ESR1: variants seen among roughly 807,000 people sequenced by gnomAD.
The protein encoded by ESR1 is estrogen receptor 1, also known as estrogen receptor.
ESR1 carries 12 observed loss-of-function variants against 52.7 expected under a neutral mutation model. That is an observed-to-expected ratio of 0.23 (90% confidence interval 0.15 to 0.37). ESR1 has a LOEUF of 0.37. ESR1 is among the 10% of genes least tolerant of loss of function. ESR1 has a pLI of 1.00. For synonymous variants in ESR1, 305 were observed against 316.8 expected (o/e 0.96, Z 0.39); for missense variants, 584 against 779.7 (o/e 0.75, Z 2.99).
At chr6:151,756,652 T>C (rs886678361) in intron 2 of ESR1, among the ~76,000 whole-genome samples, 5 of 152,252 alleles carry the variant, frequency 3.3e-5, no homozygotes, top group African/African-American at 9.6e-5. Flanking sequence ...CTGTCAATTA[T>C]AGTTTTTGAA....
At chr6:151,923,149 G>C (rs1162250675) in intron 3 of ESR1, among the ~76,000 whole-genome samples, 2 of 152,182 alleles carry the variant, frequency 1.3e-5, no homozygotes, top group East Asian at 3.8e-4. Context: ...TATTCTAACA[G>C]ATTCCACTTA....
rs117028281 is a variant in ESR1, at chr6:151,876,750, G to A, written c.644-3905G>A. 6.7e-3 allele frequency among the ~76,000 whole-genome samples: 1,022 copies of A among 152,194 alleles called. 43 individuals are homozygous for A. The East Asian group carries it at 0.093, about 14-fold the overall frequency. On this transcript the variant is annotated intron_variant, in intron 2 of 7. Transcript: ENST00000206249. ...TCTGGTTCCATCTCATTCACCTCCT[G>A]TCCCCTCCACTTCCTGCCAGTCAAA...
chr6:151,698,907 A>T (rs1199627970), intron 1 of ESR1, among the ~76,000 whole-genome samples: 1 of 152,114 alleles, frequency 6.6e-6, no homozygotes, highest in Non-Finnish European at 1.5e-5. Flanking sequence ...CCTCCGGATC[A>T]CTCAATCTTC....
chr6:151,784,994 G>A (rs1161761407), intron 2 of ESR1, among the ~76,000 whole-genome samples: 2 of 151,018 alleles, frequency 1.3e-5, no homozygotes, highest in African/African-American at 2.5e-5. Flanking sequence ...TCAACTGATT[G>A]GGCAAGGCCC....
At chr6:151,892,697 G>A (rs1183280275) in intron 3 of ESR1, among the ~76,000 whole-genome samples, 1 of 151,112 alleles carries the variant, frequency 6.6e-6, no homozygotes. Flanking sequence ...GAGAAAGGAA[G>A]AGGCCAAAAA....
intron 1 of ESR1, among the ~76,000 whole-genome samples, chr6:151,819,611 C>A (rs1425425939): frequency 6.6e-6 from 1 of 152,118 alleles, no homozygotes; most frequent in Non-Finnish European, 1.5e-5. Flanking sequence ...TCCCATCACC[C>A]CCAGATGGGA....
At chr6:151,997,917 G>A (rs970934712) in intron 4 of ESR1, among the ~76,000 whole-genome samples, 3 of 152,088 alleles carry the variant, frequency 2.0e-5, no homozygotes, top group Middle Eastern at 3.2e-3. Context: ...GGGAAAGAGC[G>A]CTTAGAGGTG....
intron 3 of ESR1, among the ~76,000 whole-genome samples, chr6:151,926,773 A>G (rs937791671): frequency 4.6e-5 from 7 of 152,124 alleles, no homozygotes; most frequent in African/African-American, 1.7e-4. Context: ...AATTTTCTGC[A>G]TAGATAATCA....
At chr6:151,773,518 A>G (rs1293200622) in intron 2 of ESR1, among the ~76,000 whole-genome samples, 3 of 152,212 alleles carry the variant, frequency 2.0e-5, no homozygotes, top group Non-Finnish European at 4.4e-5. Flanking sequence ...AAGCCTATGG[A>G]CAAGGATAAT....
rs111876225 is a variant in ESR1, at chr6:151,883,718, A to C, written c.760+2947A>C. On this transcript the variant is annotated intron_variant, in intron 3 of 7. Transcript: ENST00000206249. ...TAGACTGGGTGGCTTAAGTAACGGA[A>C]GTCAATTGCCTCATAGCTCTGGAGG... is the stretch of plus-strand genomic sequence containing the variant. Among the ~76,000 whole-genome samples the C allele has an allele frequency of 3.5e-3, 533 of 152,238 alleles. 1 individual carries two copies. The highest frequency in any genetic ancestry group is 6.3e-3 in the Non-Finnish European group (427 of 68,016).
chr6:151,941,826 A>G (rs528729525), intron 3 of ESR1, among the ~76,000 whole-genome samples: 92 of 152,232 alleles, frequency 6.0e-4, no homozygotes, highest in Non-Finnish European at 1.1e-3. Flanking sequence ...AAGTTTCCAC[A>G]CCCTGCTTCT....
rs1491541009 is a variant in ESR1, at chr6:151,669,145, T to TGG, written n.73+12384_73+12385dup. ...CAGTGGTAGGAAGCTCTTTGGGAGCTGGGAGAGAGAGAGAGAGAGAGAGAG... is the reference window on the plus strand; with the variant it reads ...CAGTGGTAGGAAGCTCTTTGGGAGCTGGGGGAGAGAGAGAGAGAGAGAGAGAG... On this transcript the variant is annotated intron_variant and non_coding_transcript_variant, in intron 1 of 2. Transcript: ENST00000473497. Among the ~76,000 whole-genome samples the TGG allele has an allele frequency of 4.4e-4, 17 of 38,686 alleles. 1 individual carries two copies. In the African/African-American group the frequency reaches 4.4e-3, roughly 10 times the overall value. The allele number at this position is 38,686 out of a possible 152,430, so 25.4% of individuals were successfully genotyped here.
chr6:151,909,084 A>T (rs1216480821), intron 3 of ESR1, among the ~76,000 whole-genome samples: 2 of 152,226 alleles, frequency 1.3e-5, no homozygotes, highest in Non-Finnish European at 2.9e-5. Flanking sequence ...TGGAGAATAA[A>T]ATGGAAAAGG....
chr6:151,701,773 C>A (rs559510362), intron 1 of ESR1: 9 of 152,246 alleles, frequency 5.9e-5, no homozygotes, highest in Admixed American at 3.9e-4. Context: ...TTCTTTTTAA[C>A]AGCCTTATTT....
At chr6:152,105,636 G>A (rs1471185925), downstream of ESR1, among the ~76,000 whole-genome samples, 2 of 151,776 alleles carry the variant, frequency 1.3e-5, no homozygotes, top group Non-Finnish European at 2.9e-5. Flanking sequence ...ATGTTGGGAA[G>A]GCTGGTCTTG....
rs1214908539 is a variant in ESR1 at position 152,125,149 on chromosome 6, C to T, written c.851-117C>T. ...AGATTCTACAGTTAAAGGAAGAGGC[C>T]TAGCAGGGACTCAGGCTTCCAAAAT... On this transcript the variant is annotated intron_variant, in intron 6 of 6. Transcript: ENST00000427531. 1.9e-5 allele frequency: 24 copies of T among 1,234,254 alleles called. No homozygotes were observed. The East Asian group carries it at 5.9e-4, about 30-fold the overall frequency. 76.5% of individuals were successfully genotyped at this position (1,234,254 alleles called of 1,614,324 possible).
chr6:151,975,074 A>G (rs1455791556), intron 4 of ESR1, among the ~76,000 whole-genome samples: 1 of 151,744 alleles, frequency 6.6e-6, no homozygotes, highest in Non-Finnish European at 1.5e-5. Flanking sequence ...GTACAATTCA[A>G]ATTTATGATC....
chr6:151,979,910 A>T (rs2039832300), intron 4 of ESR1, among the ~76,000 whole-genome samples: 2 of 152,220 alleles, frequency 1.3e-5, no homozygotes, highest in African/African-American at 4.8e-5. Flanking sequence ...TCAATAAGAA[A>T]TACTTTATTT....
chr6:151,948,456 A>G (rs932365488), intron 4 of ESR1, among the ~76,000 whole-genome samples: 39 of 152,196 alleles, frequency 2.6e-4, no homozygotes, highest in African/African-American at 8.9e-4. Flanking sequence ...CTGGGCACAG[A>G]TCTGGGAGAG....
Sources: gnomAD v4.1 joint callset for allele counts (sites outside exome capture counted in the v4.1 genomes callset) on GRCh38, gnomAD v4.1.1 for gene constraint, MANE v1.5 for transcripts, NCBI Gene and HGNC (gene_info 2026-07-23, HGNC 2026-07-21) for gene names.